Variants in SLC15A5 observed in about 807,000 individuals in gnomAD.
SLC15A5 encodes the protein Peptide/histidine transporter ENSP00000340402.
SLC15A5 carries 58 observed loss-of-function variants against 56.1 expected under a neutral mutation model. That is an observed-to-expected ratio of 1.03 (90% CI 0.84 to 1.29). The LOEUF is 1.29. Ranked by LOEUF, SLC15A5 falls within the 50% of genes most tolerant of loss-of-function variation. SLC15A5 has a pLI of 0.00. For synonymous variants in SLC15A5, 264 were observed against 250.5 expected, an observed-to-expected ratio of 1.05 and a Z score of -0.51; for missense variants, 681 against 672.1, an observed-to-expected ratio of 1.01 and a Z score of -0.15.
At chr12:16,205,590 T>TACACAC (rs58581207) in intron 7 of SLC15A5, among the ~76,000 whole-genome samples, 113 of 57,150 alleles carry the variant, frequency 2.0e-3, no homozygotes, top group Middle Eastern at 0.011. Context: ...CATATATATA[T>TACACAC]ACATATACAC....
At chr12:16,222,564 G>C (rs923277795) in intron 6 of SLC15A5, among the ~76,000 whole-genome samples, 1 of 152,192 alleles carries the variant, frequency 6.6e-6, no homozygotes, top group African/African-American at 2.4e-5. Context: ...GGAAAAGCTA[G>C]ATATCAGACC....
chr12:16,258,982 T>A (rs560180417), intron 2 of SLC15A5, among the ~76,000 whole-genome samples: 6 of 100,488 alleles, frequency 6.0e-5, no homozygotes, highest in Admixed American at 1.1e-4. Flanking sequence ...CTGCCACATC[T>A]TCTTTTTCTT....
At chr12:16,260,621 C>A (rs1449230045) in intron 2 of SLC15A5, among the ~76,000 whole-genome samples, 1 of 151,534 alleles carries the variant, frequency 6.6e-6, no homozygotes, top group East Asian at 1.9e-4. Context: ...TTTTCATTTT[C>A]TCAATGATAT....
intron 2 of SLC15A5, among the ~76,000 whole-genome samples, chr12:16,270,211 A>G (rs975332629): frequency 2.6e-5 from 4 of 152,152 alleles, no homozygotes; most frequent in African/African-American, 7.2e-5. Context: ...CTTCCAGTCT[A>G]TGCTACTTAA....
intron 3 of SLC15A5, among the ~76,000 whole-genome samples, chr12:16,247,732 T>G (rs1864476562): frequency 2.6e-5 from 4 of 151,940 alleles, no homozygotes; most frequent in Admixed American, 2.6e-4. Context: ...GAGGGAAGAT[T>G]GCGGGGAGAT....
intron 5 of SLC15A5, among the ~76,000 whole-genome samples, chr12:16,239,178 T>C (rs1864385846): frequency 6.6e-6 from 1 of 152,230 alleles, no homozygotes; most frequent in African/African-American, 2.4e-5. Flanking sequence ...CTCTCCCATT[T>C]CAATCAGATA....
Position 16,224,404 on chromosome 12 carries a change from G to GTT in SLC15A5, c.1351+8_1351+9dup. On this transcript the variant is annotated intron_variant, in intron 6 of 8. Transcript: ENST00000344941. ...ATGTTCTAACATTAGTTGAAAAGGT[G>GTT]TTTACTCACGGGCTGGGTTTACCAG... 6.5e-7 allele frequency: 1 copy of GTT among 1,536,474 alleles called. No homozygotes were observed. Among genetic ancestry groups the GTT allele is most frequent in the Non-Finnish European group, 8.7e-7 (1 of 1,146,428 alleles).
intron 3 of SLC15A5, among the ~76,000 whole-genome samples, chr12:16,245,234 T>C (rs1012951149): frequency 1.2e-4 from 19 of 152,186 alleles, no homozygotes; most frequent in Admixed American, 7.2e-4. Context: ...ACTTGGCAGG[T>C]AGAGGGTGGC....
chr12:16,224,443 C>T lies in SLC15A5; in HGVS notation c.1322G>A (p.Gly441Glu), dbSNP rs1329764605. 9 of 1,537,076 alleles carry T rather than the reference C, an allele frequency of 5.9e-6. No homozygotes were observed. The South Asian group carries it at 1.1e-4, about 18-fold the overall frequency. Residue 441 changes from glycine to glutamate, a missense_variant, in exon 6 of 9, where the codon GGA becomes GAA. By Grantham distance (98) the Gly-to-Glu change is moderately conservative. Coordinates refer to ENST00000344941, the MANE Select transcript of SLC15A5 (RefSeq NM_001170798.1). ...FYLILQYVLL[G>E]VAETLVNPAL... ...TGGGTTTACCAGTGTTTCCGCCACTCCAAGTAAAACATACTGAAGAATCAG... is the reference window on the plus strand; with the variant it reads ...TGGGTTTACCAGTGTTTCCGCCACTTCAAGTAAAACATACTGAAGAATCAG...
intron 7 of SLC15A5, among the ~76,000 whole-genome samples, chr12:16,208,194 T>C (rs1853334782): frequency 1.3e-5 from 2 of 152,148 alleles, no homozygotes; most frequent in African/African-American, 4.8e-5. Context: ...CTCTTCTGTT[T>C]CAGTTCAGGA....
chr12:16,203,628 TA>T (rs566049738), intron 7 of SLC15A5, among the ~76,000 whole-genome samples: 2 of 152,070 alleles, frequency 1.3e-5, no homozygotes, highest in Admixed American at 1.3e-4. Flanking sequence ...ATATACTTAA[TA>T]AAAAAATAAG....
intron 3 of SLC15A5, among the ~76,000 whole-genome samples, chr12:16,248,762 A>G (rs1391404120): frequency 6.6e-6 from 1 of 152,086 alleles, no homozygotes; most frequent in Non-Finnish European, 1.5e-5. Context: ...AGCCTTTAAA[A>G]AAGTCCATTA....
chr12:16,259,024 C>CTTTTTTTTTTT lies in SLC15A5; in HGVS notation c.585-1165_585-1155dup, dbSNP rs5796661. Among the ~76,000 whole-genome samples the CTTTTTTTTTTT allele has an allele frequency of 2.1e-4, 13 of 63,218 alleles. 1 individual carries two copies. The highest frequency in any genetic ancestry group is 3.3e-4 in the Non-Finnish European group (12 of 36,420). The allele number at this position is 63,218 out of a possible 152,430, so 41.5% of individuals were successfully genotyped here. A position where few individuals can be genotyped will look rare whatever the true frequency, so the allele number is the denominator to read the frequency against. On this transcript the variant is annotated intron_variant, in intron 2 of 8. Coordinates refer to ENST00000344941, the MANE Select transcript of SLC15A5 (RefSeq NM_001170798.1). ...TTTTTCTTTTTCTTTTCTTTCTTTC[C>CTTTTTTTTTTT]TTTTTTTTTTTTTTTTTTTTTTTTT...
rs753403162 is a variant in SLC15A5, at chr12:16,271,950, A to C, written c.584+611T>G. Among the ~76,000 whole-genome samples, 12 of 152,196 alleles carry C rather than the reference A, an allele frequency of 7.9e-5. No homozygotes were observed. Among genetic ancestry groups the C allele is most frequent in the Non-Finnish European group, 1.3e-4 (9 of 68,040 alleles). ...GGTGTTGGGAGCGAACTGGGTGAGAAACAGAGATGCTGGGTGATGCTTTAA... is the reference window on the plus strand; with the variant it reads ...GGTGTTGGGAGCGAACTGGGTGAGACACAGAGATGCTGGGTGATGCTTTAA... On this transcript the variant is annotated intron_variant, in intron 2 of 8. Transcript: ENST00000344941. The surrounding 1 kb of genome is among the most constrained non-coding windows in gnomAD (Gnocchi z 8.0).
At chr12:16,263,031 T>TG (rs1864658366) in intron 2 of SLC15A5, among the ~76,000 whole-genome samples, 1 of 152,088 alleles carries the variant, frequency 6.6e-6, no homozygotes, top group South Asian at 2.1e-4. Flanking sequence ...ACCAGTAGCA[T>TG]GGGGCACTGC....
chr12:16,267,913 A>AC lies in SLC15A5; in HGVS notation c.584+4647_584+4648insG, dbSNP rs1392623849. Among the ~76,000 whole-genome samples, 2 of 107,582 alleles carry AC rather than the reference A, an allele frequency of 1.9e-5. 1 individual carries two copies. Among genetic ancestry groups the AC allele is most frequent in the East Asian group, 5.7e-4 (2 of 3,490 alleles). 70.6% of individuals were successfully genotyped at this position (107,582 alleles called of 152,430 possible). A position where few individuals can be genotyped will look rare whatever the true frequency, so the allele number is the denominator to read the frequency against. On this transcript the variant is annotated intron_variant, in intron 2 of 8. Coordinates refer to ENST00000344941, the MANE Select transcript of SLC15A5 (RefSeq NM_001170798.1). ...CCCACCATGCCTGGGTAATTAAAAA[A>AC]AAATGTTTTTTTGGTAGAGATGGGG...
At chr12:16,204,224 A>G (rs754889682) in intron 7 of SLC15A5, among the ~76,000 whole-genome samples, 10 of 151,960 alleles carry the variant, frequency 6.6e-5, no homozygotes, top group Admixed American at 3.3e-4. Flanking sequence ...GGGAAGCCAA[A>G]GTGGGCTGAT....
At chr12:16,205,596 TAC>T (rs56313529) in intron 7 of SLC15A5, among the ~76,000 whole-genome samples, 6,655 of 87,242 alleles carry the variant, frequency 0.076, 574 homozygotes, top group East Asian at 0.16. Flanking sequence ...TATATACATA[TAC>T]ACACACACAC....
chr12:16,231,506 G>T (rs996079227), intron 5 of SLC15A5, among the ~76,000 whole-genome samples: 2 of 152,198 alleles, frequency 1.3e-5, no homozygotes, highest in Admixed American at 6.5e-5. Context: ...ATCCCCTGAG[G>T]AATCATTTAG....
Sources: allele counts gnomAD v4.1 joint callset (sites outside exome capture counted in the v4.1 genomes callset), GRCh38; gene constraint gnomAD v4.1.1; non-coding constraint Gnocchi (gnomAD v3.1); transcripts MANE v1.5; gene names NCBI Gene and HGNC (gene_info 2026-07-23, HGNC 2026-07-21).